SDC4: variants seen among roughly 807,000 people sequenced by gnomAD.
The protein encoded by SDC4 is syndecan 4.
SDC4 carries 17 observed loss-of-function variants against 20.5 expected under a neutral mutation model. The ratio of observed to expected loss-of-function variants is 0.83; its 90% CI spans 0.57 to 1.25. The LOEUF (loss-of-function observed/expected upper bound fraction) is 1.25. SDC4 is among the 50% of genes most tolerant of loss of function. SDC4 has a pLI of 0.00. For synonymous variants in SDC4, 107 were observed against 105.3 expected, an observed-to-expected ratio of 1.02 and a Z score of -0.10; for missense variants, 241 against 252.3, an observed-to-expected ratio of 0.96 and a Z score of 0.30.
At position 45,330,545 on chromosome 20, in the gene SDC4, A is replaced by T. The variant is rs770500121; in HGVS notation, c.266T>A (p.Ile89Asn). Residue 89 changes from isoleucine to asparagine, a missense_variant, in exon 4 of 5, where the codon ATC becomes AAC. Physicochemically the swap from Ile to Asn is moderately radical, Grantham distance 149. Transcript: ENST00000372733. ...VHPLVPLDNH[I>N]PERAGSGSQV... ...GCTCCCAGACCCTGCCCTCTCAGGG[A>T]TATGGTTATCTAGAGGCACCTGGAT... 1.6e-5 allele frequency: 26 copies of T among 1,613,918 alleles called. No individual in the cohort carries two copies. Among genetic ancestry groups the T allele is most frequent in the Admixed American group, 1.7e-5 (1 of 59,990 alleles).
chr20:45,335,423 A>T (rs1987846946), intron 2 of SDC4, among the ~76,000 whole-genome samples: 1 of 151,132 alleles, frequency 6.6e-6, no homozygotes, highest in South Asian at 2.1e-4. Context: ...AAAGGAAAAC[A>T]CTCTATGGGT....
chr20:45,345,540 G>A (rs1460780501), intron 1 of SDC4: 3 of 152,184 alleles, frequency 2.0e-5, no homozygotes, highest in Non-Finnish European at 2.9e-5. Flanking sequence ...AAGGGTCCTA[G>A]AAGCCCCTAG....
intron 1 of SDC4, among the ~76,000 whole-genome samples, chr20:45,336,176 G>A (rs1170025470): frequency 1.3e-5 from 2 of 152,190 alleles, no homozygotes; most frequent in African/African-American, 2.4e-5. Flanking sequence ...ACTTTGGGAG[G>A]CGGAGGCAGG....
At position 45,348,324 on chromosome 20, in the gene SDC4, C is replaced by G. The variant is rs2145720220; in HGVS notation, c.60+1G>C. On this transcript the variant is annotated splice_donor_variant, in intron 1 of 4. Coordinates refer to ENST00000372733, the MANE Select transcript of SDC4 (RefSeq NM_002999.4). LOFTEE classifies it high-confidence loss of function. ...CAGCCCGGGAACCTCCAAGCACCCA[C>G]CGACTCGGCGACTCCGCCTACGAAG... 1 of 1,584,636 alleles carries G rather than the reference C, an allele frequency of 6.3e-7. No homozygotes were observed. Among genetic ancestry groups the G allele is most frequent in the Non-Finnish European group, 8.6e-7 (1 of 1,166,482 alleles).
chr20:45,341,621 C>T (rs1987953850), intron 1 of SDC4, among the ~76,000 whole-genome samples: 2 of 152,122 alleles, frequency 1.3e-5, no homozygotes, highest in African/African-American at 4.8e-5. Context: ...TGCTCTGGTG[C>T]CTGAATGGTT....
rs56804363 is a variant in SDC4, at chr20:45,327,501, C to T, written c.446-86G>A. 614 of 1,415,312 alleles carry T rather than the reference C, an allele frequency of 4.3e-4. 3 individuals carry two copies. The African/African-American group carries it at 7.7e-3, about 18-fold the overall frequency. The allele number at this position is 1,415,312 out of a possible 1,614,324, so 87.7% of individuals were successfully genotyped here. On this transcript the variant is annotated intron_variant, in intron 4 of 4. Coordinates refer to ENST00000372733, the MANE Select transcript of SDC4 (RefSeq NM_002999.4). ...ACCCCTCTTTCCCCCACTGTCAGTTCTCTTACAACCAGACATCCTCACCAT... is the reference window on the plus strand; with the variant it reads ...ACCCCTCTTTCCCCCACTGTCAGTTTTCTTACAACCAGACATCCTCACCAT...
At chr20:45,347,803 T>G (rs1169316776) in intron 1 of SDC4, among the ~76,000 whole-genome samples, 1 of 152,016 alleles carries the variant, frequency 6.6e-6, no homozygotes, top group Non-Finnish European at 1.5e-5. Context: ...CACAAGTCAA[T>G]GACAGAGCTG....
intron 1 of SDC4, among the ~76,000 whole-genome samples, chr20:45,343,043 C>G (rs1987977684): frequency 6.6e-6 from 1 of 152,148 alleles, no homozygotes; most frequent in Non-Finnish European, 1.5e-5. Context: ...CCTGGGTGAG[C>G]AGCAGAGCTA....
Position 45,327,400 on chromosome 20 carries a change from C to A in SDC4, c.461G>T (p.Gly154Val), listed in dbSNP as rs1279245688. 6.2e-7 allele frequency: 1 copy of A among 1,613,848 alleles called. No homozygotes were observed. Among genetic ancestry groups the A allele is most frequent in the Non-Finnish European group, 8.5e-7 (1 of 1,179,850 alleles). The change falls in exon 5 of 5, where the codon GGC becomes GTC. Residue 154 changes from glycine (G) to valine (V), a missense_variant. Coordinates refer to ENST00000372733, the MANE Select transcript of SDC4 (RefSeq NM_002999.4). Reference sequence around the variant, plus strand: ...GACGGCAAAGAGGATGCCCACGATGCCACCCACAATCAGAGCTGGAGAGGA... The same window carrying A: ...GACGGCAAAGAGGATGCCCACGATGACACCCACAATCAGAGCTGGAGAGGA... The part of the protein sequence containing the change: ...TEVLAALIVG[G>V]IVGILFAVFL...
At chr20:45,343,532 T>C (rs1600734519) in intron 1 of SDC4, among the ~76,000 whole-genome samples, 1 of 152,156 alleles carries the variant, frequency 6.6e-6, no homozygotes, top group East Asian at 1.9e-4. Context: ...GCAGGAGAGG[T>C]GGGGCTGCCC....
chr20:45,326,453 A>G lies in SDC4; in HGVS notation c.*811T>C, dbSNP rs1188487126. ...GGCTCTTCTCTCATTTTCAAGAAAC[A>G]AACAAAAACAAAAACAAAAACCATT... On this transcript the variant is annotated 3_prime_UTR_variant, in exon 5 of 5. Transcript: ENST00000372733. The G allele has an allele frequency of 6.6e-6, 1 of 151,950 alleles. No homozygotes were observed. The highest frequency in any genetic ancestry group is 1.5e-5 in the Non-Finnish European group (1 of 67,994). The allele number at this position is 151,950 out of a possible 1,614,324, so 9.4% of individuals were successfully genotyped here.
intron 1 of SDC4, among the ~76,000 whole-genome samples, chr20:45,338,783 C>T (rs1184859846): frequency 6.6e-6 from 1 of 152,136 alleles, no homozygotes; most frequent in Non-Finnish European, 1.5e-5. Flanking sequence ...TTTTTATACT[C>T]AGTTTCCAAA....
Position 45,335,778 on chromosome 20 carries a change from G to C in SDC4, c.199+4C>G. 4 of 1,613,266 alleles carry C rather than the reference G, an allele frequency of 2.5e-6. No homozygotes were observed. The highest frequency in any genetic ancestry group is 2.5e-6 in the Non-Finnish European group (3 of 1,179,752). On this transcript the variant is annotated splice_donor_region_variant and intron_variant, in intron 2 of 4. Coordinates refer to ENST00000372733, the MANE Select transcript of SDC4 (RefSeq NM_002999.4). ...CCTACGCCTGCCCAGCACACCTTCC[G>C]TACCCAGATCTCCAGAGCCAGACAG... is the stretch of plus-strand genomic sequence containing the variant.
chr20:45,346,746 A>G (rs1420486649), intron 1 of SDC4, among the ~76,000 whole-genome samples: 1 of 152,216 alleles, frequency 6.6e-6, no homozygotes, highest in African/African-American at 2.4e-5. Flanking sequence ...CCTTTGGTTT[A>G]GGTTAAGTCA....
At position 45,339,222 on chromosome 20, in the gene SDC4, C is replaced by T. The variant is rs950527062; in HGVS notation, c.61-3302G>A. Among the ~76,000 whole-genome samples, 4 of 152,284 alleles carry T rather than the reference C, an allele frequency of 2.6e-5. No homozygotes were observed. In the South Asian group the frequency reaches 8.3e-4, roughly 32 times the overall value. ...TCCTCCGCCCTCTTTTCAGATAAAGCCCATTGAGTCTGGGGTGACTTTGAA... is the reference window on the plus strand; with the variant it reads ...TCCTCCGCCCTCTTTTCAGATAAAGTCCATTGAGTCTGGGGTGACTTTGAA... On this transcript the variant is annotated intron_variant, in intron 1 of 4. Transcript: ENST00000372733.
chr20:45,330,340 A>T (rs1568903985), intron 4 of SDC4, 26 bp downstream of exon 4: 1 of 1,606,772 alleles, frequency 6.2e-7, no homozygotes, highest in Admixed American at 1.7e-5. Context: ...CCTTCAAGGC[A>T]TCTTATAAGC....
At chr20:45,337,506 G>C (rs543838380) in intron 1 of SDC4, among the ~76,000 whole-genome samples, 2 of 152,234 alleles carry the variant, frequency 1.3e-5, no homozygotes, top group African/African-American at 4.8e-5. Context: ...GTCACACAGA[G>C]CGTTCGCTAC....
chr20:45,346,923 A>G (rs1017413641), intron 1 of SDC4, among the ~76,000 whole-genome samples: 14 of 152,188 alleles, frequency 9.2e-5, no homozygotes, highest in African/African-American at 3.1e-4. Context: ...CTGGCTGCCT[A>G]AATTTCAATC....
chr20:45,338,306 AACACATATGT>A (rs1418872769), intron 1 of SDC4, among the ~76,000 whole-genome samples: 1 of 152,228 alleles, frequency 6.6e-6, no homozygotes, highest in Non-Finnish European at 1.5e-5. Context: ...CACACGCATG[AACACATATGT>A]ACACGGGGTC....
Sources: allele counts gnomAD v4.1 joint callset (sites outside exome capture counted in the v4.1 genomes callset), GRCh38; gene constraint gnomAD v4.1.1; transcripts MANE v1.5; gene names NCBI Gene and HGNC (gene_info 2026-07-23, HGNC 2026-07-21).